Variants in PRKCE observed in about 807,000 individuals in gnomAD.
PRKCE encodes protein kinase C epsilon.
A neutral mutation model predicts 85.4 loss-of-function variants in PRKCE; 16 were observed. That is an observed-to-expected ratio of 0.19 (90% CI 0.13 to 0.28). PRKCE has a LOEUF of 0.28. Among genes scored for constraint, PRKCE ranks in the 10% least tolerant of loss-of-function variants. The pLI is 1.00. For missense variants in PRKCE, 573 were observed against 975.2 expected (o/e 0.59, Z 5.49); for synonymous variants, 388 against 371.5 (o/e 1.04, Z -0.51).
chr2:45,994,450 C>T (rs1704059285), intron 6 of PRKCE, among the ~76,000 whole-genome samples: 1 of 152,198 alleles, frequency 6.6e-6, no homozygotes, highest in Non-Finnish European at 1.5e-5. Flanking sequence ...CTTCATCCCT[C>T]CCTCTCTCCT....
Position 46,053,510 on chromosome 2 carries a change from T to A in PRKCE, c.1438-32698T>A, listed in dbSNP as rs1486811049. On this transcript the variant is annotated intron_variant, in intron 10 of 14. Coordinates refer to ENST00000306156, the MANE Select transcript of PRKCE (RefSeq NM_005400.3). ...ATTAAGCAGTAAACTCCTCATTACC[T>A]ACCTCCTTCAGCCCCTGACAACCAC... Among the ~76,000 whole-genome samples, 3 of 152,172 alleles carry A rather than the reference T, an allele frequency of 2.0e-5. No homozygotes were observed. The East Asian group carries it at 5.8e-4, about 29-fold the overall frequency.
At chr2:45,709,563 G>C (rs1483083009) in intron 1 of PRKCE, among the ~76,000 whole-genome samples, 1 of 152,164 alleles carries the variant, frequency 6.6e-6, no homozygotes, top group African/African-American at 2.4e-5. Flanking sequence ...AGAGTTCCTG[G>C]GCCACCCCAT....
In PRKCE at chr2:45,995,895, C is replaced by T. The variant is rs549282967; in HGVS notation, c.824-5509C>T. Among the ~76,000 whole-genome samples, 6 of 152,222 alleles carry T rather than the reference C, an allele frequency of 3.9e-5. No individual in the cohort carries two copies. In the South Asian group the frequency reaches 1.2e-3, roughly 32 times the overall value. ...AACTTTAGAATGAGTTTGTCGATAT[C>T]CATAAATAACTTGCTGGGATTTTGA... On this transcript the variant is annotated intron_variant, in intron 6 of 14. Transcript: ENST00000306156.
At chr2:45,676,594 A>T (rs1012590742) in intron 1 of PRKCE, 4 of 152,220 alleles carry the variant, frequency 2.6e-5, no homozygotes, top group Non-Finnish European at 5.9e-5. Flanking sequence ...CCGTACAAAC[A>T]CCATTGCCTG....
intron 1 of PRKCE, among the ~76,000 whole-genome samples, chr2:45,832,879 C>A (rs578167118): frequency 1.7e-4 from 26 of 152,256 alleles, no homozygotes; most frequent in African/African-American, 6.3e-4. Context: ...ATATTGCCTT[C>A]TTCACATAGG....
chr2:45,677,583 C>T (rs561151645), intron 1 of PRKCE, among the ~76,000 whole-genome samples: 3 of 152,120 alleles, frequency 2.0e-5, no homozygotes, highest in Non-Finnish European at 4.4e-5. Context: ...GTCTCGATCT[C>T]CTGACCTCAT....
intron 1 of PRKCE, among the ~76,000 whole-genome samples, chr2:45,723,970 C>T (rs776497279): frequency 2.0e-5 from 3 of 152,190 alleles, no homozygotes; most frequent in African/African-American, 7.2e-5. Flanking sequence ...TTTGAGGAGA[C>T]CCTGCTTTCA....
chr2:45,979,406 G>A (rs554374527), intron 4 of PRKCE, among the ~76,000 whole-genome samples: 19 of 152,218 alleles, frequency 1.2e-4, no homozygotes, highest in South Asian at 6.2e-4. Context: ...AAGCTTCCTC[G>A]CCTGCTCGTT....
intron 2 of PRKCE, among the ~76,000 whole-genome samples, chr2:45,877,472 G>A (rs1694564095): frequency 6.6e-6 from 1 of 151,512 alleles, no homozygotes; most frequent in Admixed American, 6.6e-5. Flanking sequence ...TCTTTCCATA[G>A]TTTATTCTGA....
At chr2:46,088,446 T>G (rs904390877) in intron 11 of PRKCE, among the ~76,000 whole-genome samples, 3 of 152,192 alleles carry the variant, frequency 2.0e-5, no homozygotes, top group African/African-American at 4.8e-5. Flanking sequence ...TTTGAGACTT[T>G]CATTGCTGCA....
chr2:45,717,744 G>A (rs1026198926), intron 1 of PRKCE, among the ~76,000 whole-genome samples: 2 of 152,160 alleles, frequency 1.3e-5, no homozygotes, highest in African/African-American at 4.8e-5. Flanking sequence ...TTACCCACTG[G>A]TCTGGCTACT....
chr2:45,929,144 T>A (rs1698849721), intron 2 of PRKCE, among the ~76,000 whole-genome samples: 1 of 152,130 alleles, frequency 6.6e-6, no homozygotes, highest in South Asian at 2.1e-4. Flanking sequence ...AGACTTGTCA[T>A]GATCTGCTCG....
intron 1 of PRKCE, among the ~76,000 whole-genome samples, chr2:45,709,308 G>T (rs1183182493): frequency 6.6e-6 from 1 of 152,208 alleles, no homozygotes; most frequent in Non-Finnish European, 1.5e-5. Flanking sequence ...CCATGCACTG[G>T]GTTCTCAGCC....
chr2:45,887,977 A>C (rs1005146399), intron 2 of PRKCE, among the ~76,000 whole-genome samples: 2 of 152,206 alleles, frequency 1.3e-5, no homozygotes, highest in African/African-American at 4.8e-5. Context: ...TGGGCACACT[A>C]GAAGGATAGA....
At chr2:45,879,035 C>A (rs1374056009) in intron 2 of PRKCE, among the ~76,000 whole-genome samples, 7 of 152,226 alleles carry the variant, frequency 4.6e-5, no homozygotes, top group Non-Finnish European at 8.8e-5. Flanking sequence ...AAGCCTGGAA[C>A]TACGGCAAAA....
chr2:45,881,140 G>A (rs534816088), intron 2 of PRKCE, among the ~76,000 whole-genome samples: 4 of 134,016 alleles, frequency 3.0e-5, no homozygotes, highest in African/African-American at 1.2e-4. Flanking sequence ...GCGACAGAGC[G>A]AGACTCCGTC....
intron 10 of PRKCE, among the ~76,000 whole-genome samples, chr2:46,043,383 G>C (rs1467758339): frequency 6.6e-6 from 1 of 152,078 alleles, no homozygotes; most frequent in African/African-American, 2.4e-5. Context: ...GCAGTGAAGG[G>C]GAAGAGTCAC....
At chr2:45,958,308 G>T (rs1701116678) in intron 2 of PRKCE, among the ~76,000 whole-genome samples, 1 of 151,334 alleles carries the variant, frequency 6.6e-6, no homozygotes, top group Non-Finnish European at 1.5e-5. Context: ...AGGGGTTCGA[G>T]ACCAGCCTGG....
At chr2:46,107,604 A>T (rs1444413107) in intron 11 of PRKCE, among the ~76,000 whole-genome samples, 1 of 152,236 alleles carries the variant, frequency 6.6e-6, no homozygotes, top group Non-Finnish European at 1.5e-5. Flanking sequence ...TATATGGAAG[A>T]CTGTGCTTAG....
Sources: gnomAD v4.1 joint callset for allele counts (sites outside exome capture counted in the v4.1 genomes callset) on GRCh38, gnomAD v4.1.1 for gene constraint, MANE v1.5 for transcripts, NCBI Gene and HGNC (gene_info 2026-07-23, HGNC 2026-07-21) for gene names.